NIPSNAP1: variants seen among roughly 807,000 people sequenced by gnomAD.
The protein encoded by NIPSNAP1 is nipsnap homolog 1, also known as protein NipSnap homolog 1.
NIPSNAP1 carries 25 observed loss-of-function variants against 49.2 expected under a neutral mutation model. The observed-to-expected ratio is 0.51, with a 90% CI of 0.37 to 0.71. The LOEUF is 0.71. Ranked by LOEUF, NIPSNAP1 falls within the 30% of genes least tolerant of loss-of-function variation. The probability of loss-of-function intolerance (pLI) is 0.00; values close to 1 mark genes in which losing one functional copy is unlikely to be tolerated. For missense variants in NIPSNAP1, 294 were observed against 361.0 expected (o/e 0.81, Z 1.50); for synonymous variants, 143 against 140.7 (o/e 1.02, Z -0.12).
intron 1 of NIPSNAP1, among the ~76,000 whole-genome samples, chr22:29,571,915 A>G (rs1180114083): frequency 6.6e-6 from 1 of 151,906 alleles, no homozygotes; most frequent in African/African-American, 2.4e-5. Flanking sequence ...AGCTGAGATT[A>G]CAGGCGCGTA....
chr22:29,575,338 A>G (rs965945907), intron 1 of NIPSNAP1, among the ~76,000 whole-genome samples: 2 of 151,762 alleles, frequency 1.3e-5, no homozygotes, highest in African/African-American at 4.8e-5. Context: ...TCTTCCCACT[A>G]CTCTAATCCT....
intron 1 of NIPSNAP1, among the ~76,000 whole-genome samples, chr22:29,579,289 C>CTTTTTTTTT: frequency 1.7e-5 from 1 of 57,372 alleles, no homozygotes; most frequent in Non-Finnish European, 3.0e-5. Context: ...AATTTTTGTA[C>CTTTTTTTTT]TTTTTTTTTT....
Position 29,570,207 on chromosome 22 carries a change from A to T in NIPSNAP1, c.227T>A (p.Phe76Tyr), listed in dbSNP as rs1182462417. 1 of 1,613,826 alleles carries T rather than the reference A, an allele frequency of 6.2e-7. No homozygotes were observed. Among genetic ancestry groups the T allele is most frequent in the East Asian group, 2.2e-5 (1 of 44,868 alleles). ...CAGGTATTCAGGCTTTACATTGTGA[A>T]CTGCAACAGAGGACAGAGAACAAGA... Reference protein sequence around the residue: ...KETSNLYKIQFHNVKPEYLDA... With the variant: ...KETSNLYKIQYHNVKPEYLDA... Residue 76 changes from phenylalanine (F) to tyrosine (Y), a missense_variant and splice_region_variant, in exon 3 of 10, where the codon TTT becomes TAT. Around this residue, in one of 4 missense-constraint regions of NIPSNAP1, gnomAD observed 55 missense variants for 46.2 expected, o/e 1.19. Coordinates refer to ENST00000216121, the MANE Select transcript of NIPSNAP1 (RefSeq NM_003634.4).
intron 1 of NIPSNAP1, among the ~76,000 whole-genome samples, chr22:29,573,759 ACT>A (rs2064427938): frequency 7.2e-6 from 1 of 139,750 alleles, no homozygotes; most frequent in South Asian, 2.3e-4. Flanking sequence ...CAAGAGTGAA[ACT>A]CTGTCTCAAA....
intron 1 of NIPSNAP1, among the ~76,000 whole-genome samples, chr22:29,574,056 G>A (rs982558584): frequency 1.3e-5 from 2 of 151,304 alleles, no homozygotes; most frequent in Non-Finnish European, 1.5e-5. Context: ...AGGAGTTCAC[G>A]ACTAGCCTGG....
At chr22:29,571,589 G>A (rs541829290) in intron 1 of NIPSNAP1, among the ~76,000 whole-genome samples, 5 of 151,742 alleles carry the variant, frequency 3.3e-5, no homozygotes, top group Admixed American at 2.0e-4. Context: ...CAATCTTCCC[G>A]CTCCACAGCC....
chr22:29,580,117 T>C, intron 1 of NIPSNAP1: 1 of 1,304,186 alleles, frequency 7.7e-7, no homozygotes, highest in Non-Finnish European at 1.0e-6. Flanking sequence ...TAAATATTCC[T>C]TGACCATACA....
rs746868297 is a variant in NIPSNAP1 at position 29,561,220 on chromosome 22, G to A, written c.580-18C>T. 30 of 1,612,812 alleles carry A rather than the reference G, an allele frequency of 1.9e-5. No homozygotes were observed. Among genetic ancestry groups the A allele is most frequent in the Middle Eastern group, 1.6e-4 (1 of 6,082 alleles). ...GTTCCTGGCTGAAAGAGAACCAAAG[G>A]GATGATGGGAATGAGCCCCCACCTC... is the stretch of plus-strand genomic sequence containing the variant. On this transcript the variant is annotated intron_variant, in intron 6 of 9. Transcript: ENST00000216121.
At chr22:29,576,319 C>T (rs946922071) in intron 1 of NIPSNAP1, among the ~76,000 whole-genome samples, 5 of 150,816 alleles carry the variant, frequency 3.3e-5, no homozygotes, top group African/African-American at 9.9e-5. Context: ...CATGCCCGGC[C>T]GAACCCAGGA....
chr22:29,581,091 C>T lies in NIPSNAP1; in HGVS notation c.-9G>A. ...CACAGCCGCGGAGCCATGTTGGAGCCGCAAAGGTTGCAGGAAGGCCCCGCC... is the reference window on the plus strand; with the variant it reads ...CACAGCCGCGGAGCCATGTTGGAGCTGCAAAGGTTGCAGGAAGGCCCCGCC... On this transcript the variant is annotated 5_prime_UTR_variant, in exon 1 of 10. Transcript: ENST00000216121. The T allele has an allele frequency of 6.5e-7, 1 of 1,541,208 alleles. No homozygotes were observed. Among genetic ancestry groups the T allele is most frequent in the Non-Finnish European group, 8.7e-7 (1 of 1,146,006 alleles).
intron 1 of NIPSNAP1, among the ~76,000 whole-genome samples, chr22:29,576,166 G>A (rs1005635224): frequency 6.7e-6 from 1 of 149,098 alleles, no homozygotes; most frequent in Non-Finnish European, 1.5e-5. Flanking sequence ...CTACAGGTGC[G>A]TGCTACCACA....
intron 9 of NIPSNAP1, among the ~76,000 whole-genome samples, chr22:29,556,205 G>A (rs991208249): frequency 1.3e-5 from 2 of 152,094 alleles, no homozygotes; most frequent in African/African-American, 4.8e-5. Context: ...TGGTGGTGAT[G>A]AGAATAACAT....
At chr22:29,565,158 C>T (rs2064360671) in intron 4 of NIPSNAP1, among the ~76,000 whole-genome samples, 1 of 151,786 alleles carries the variant, frequency 6.6e-6, no homozygotes, top group African/African-American at 2.4e-5. Flanking sequence ...GAACTATGAT[C>T]ATGCCACTGC....
chr22:29,563,634 C>G (rs1404241404), intron 4 of NIPSNAP1, among the ~76,000 whole-genome samples: 2 of 151,884 alleles, frequency 1.3e-5, no homozygotes, highest in Admixed American at 6.6e-5. Context: ...AGAATGTGAC[C>G]TTATTTGGAA....
intron 1 of NIPSNAP1, among the ~76,000 whole-genome samples, chr22:29,574,738 C>T (rs1159149306): frequency 1.4e-5 from 2 of 144,472 alleles, no homozygotes; most frequent in African/African-American, 2.6e-5. Flanking sequence ...GAGATCGTGC[C>T]ATTGCACTCC....
At chr22:29,566,614 G>C (rs572756876) in intron 4 of NIPSNAP1, among the ~76,000 whole-genome samples, 1 of 152,168 alleles carries the variant, frequency 6.6e-6, no homozygotes, top group South Asian at 2.1e-4. Flanking sequence ...CTTGAGTCCA[G>C]GAGTTCAAGA....
In NIPSNAP1 at chr22:29,570,402, CACACTG is replaced by C. The variant is rs1482723374; in HGVS notation, c.223_226+2del. 6.2e-7 allele frequency: 1 copy of C among 1,614,078 alleles called. No individual in the cohort carries two copies. The highest frequency in any genetic ancestry group is 1.1e-5 in the South Asian group (1 of 91,080). ...GAAATTGGTCAGCTCAGCAGCCACT[CACACTG>C]GATCTTATAGAGGTTGCTGGTTTCC... is the stretch of plus-strand genomic sequence containing the variant. On this transcript the variant is annotated splice_donor_variant and coding_sequence_variant, in exon 2 of 10. Coordinates refer to ENST00000216121, the MANE Select transcript of NIPSNAP1 (RefSeq NM_003634.4). LOFTEE classifies it high-confidence loss of function.
intron 3 of NIPSNAP1, 83 bp downstream of exon 3, chr22:29,570,068 AGAAAAGAACAG>A (rs1454094078): frequency 4.1e-6 from 4 of 964,166 alleles, no homozygotes; most frequent in Non-Finnish European, 6.8e-6. Context: ...GGATTTCTAC[AGAAAAGAACAG>A]GGTGGAGGAT....
At chr22:29,566,685 G>A (rs2146607932) in intron 4 of NIPSNAP1, among the ~76,000 whole-genome samples, 1 of 152,086 alleles carries the variant, frequency 6.6e-6, no homozygotes, top group East Asian at 1.9e-4. Context: ...TTAGCTGGCT[G>A]TGGTGGTGCA....
Sources: allele counts gnomAD v4.1 joint callset (sites outside exome capture counted in the v4.1 genomes callset), GRCh38; gene constraint gnomAD v4.1.1; regional missense constraint gnomAD v4.1.1; transcripts MANE v1.5; gene names NCBI Gene and HGNC (gene_info 2026-07-23, HGNC 2026-07-21).